RCAN2: variants seen among roughly 807,000 people sequenced by gnomAD.
RCAN2 encodes the protein calcipressin-2.
A neutral mutation model predicts 23.6 loss-of-function variants in RCAN2; 9 were observed. That is an observed-to-expected ratio of 0.38 (90% confidence interval 0.23 to 0.67). The LOEUF (loss-of-function observed/expected upper bound fraction) is 0.67, where lower values mean the gene tolerates loss of function less well. RCAN2 is among the 30% of genes least tolerant of loss of function. The pLI, the probability that RCAN2 is intolerant of heterozygous loss-of-function variation, is 0.51. For synonymous variants in RCAN2, 109 were observed against 115.7 expected (o/e 0.94, Z 0.37); for missense variants, 273 against 302.3 (o/e 0.90, Z 0.72).
chr6:46,411,042 TC>T (rs1375553193), intron 2 of RCAN2, among the ~76,000 whole-genome samples: 1 of 152,150 alleles, frequency 6.6e-6, no homozygotes, highest in East Asian at 1.9e-4. Context: ...CTCACTTATT[TC>T]AAATATCAAA....
chr6:46,439,658 C>T (rs2150421659), intron 2 of RCAN2, among the ~76,000 whole-genome samples: 1 of 152,276 alleles, frequency 6.6e-6, no homozygotes, highest in South Asian at 2.1e-4. Flanking sequence ...GAAAGACAAC[C>T]CCACTTGAGC....
chr6:46,420,935 T>G (rs1418455151), intron 2 of RCAN2, among the ~76,000 whole-genome samples: 1 of 152,210 alleles, frequency 6.6e-6, no homozygotes, highest in African/African-American at 2.4e-5. Flanking sequence ...CATTTATGAA[T>G]CAGCACTGTG....
chr6:46,330,567 T>C (rs1012347323), intron 2 of RCAN2, among the ~76,000 whole-genome samples: 15 of 152,122 alleles, frequency 9.9e-5, no homozygotes, highest in Admixed American at 5.2e-4. Flanking sequence ...CCTGCCAGGG[T>C]TCAAATTTCT....
At chr6:46,323,674 A>G (rs772342925) in intron 2 of RCAN2, among the ~76,000 whole-genome samples, 12 of 152,176 alleles carry the variant, frequency 7.9e-5, no homozygotes, top group Non-Finnish European at 1.5e-4. Flanking sequence ...TCATTTTTCC[A>G]TAAAACCACC....
intron 2 of RCAN2, among the ~76,000 whole-genome samples, chr6:46,403,560 G>A (rs1299032611): frequency 5.3e-5 from 7 of 131,604 alleles, no homozygotes; most frequent in Admixed American, 2.4e-4. Flanking sequence ...CAACAAGAGC[G>A]AAACTCCGTA....
intron 2 of RCAN2, among the ~76,000 whole-genome samples, chr6:46,292,297 T>G (rs935935399): frequency 3.9e-5 from 6 of 152,192 alleles, no homozygotes; most frequent in Non-Finnish European, 5.9e-5. Context: ...AGGCAAGCAA[T>G]TATTATTTCA....
intron 2 of RCAN2, among the ~76,000 whole-genome samples, chr6:46,442,839 A>T (rs946337745): frequency 6.6e-6 from 1 of 152,150 alleles, no homozygotes; most frequent in Non-Finnish European, 1.5e-5. Context: ...GGGGTCACTC[A>T]GTACTGTGGA....
chr6:46,318,579 C>T (rs77931398), intron 2 of RCAN2, among the ~76,000 whole-genome samples: 9,306 of 152,148 alleles, frequency 0.061, 937 homozygotes, highest in African/African-American at 0.21. Context: ...CTATTCAACT[C>T]ACTTGCCAAG....
At chr6:46,309,491 G>A (rs1763184789) in intron 2 of RCAN2, among the ~76,000 whole-genome samples, 1 of 152,134 alleles carries the variant, frequency 6.6e-6, no homozygotes, top group Non-Finnish European at 1.5e-5. Context: ...GACTCCAGAG[G>A]CACCATGATC....
chr6:46,262,030 C>T (rs1443175858), intron 2 of RCAN2, among the ~76,000 whole-genome samples: 2 of 152,158 alleles, frequency 1.3e-5, no homozygotes, highest in African/African-American at 2.4e-5. Context: ...TTCCTTTCTC[C>T]TCTTCTCCCA....
chr6:46,383,104 G>A (rs1203570553), intron 2 of RCAN2, among the ~76,000 whole-genome samples: 1 of 151,906 alleles, frequency 6.6e-6, no homozygotes, highest in Non-Finnish European at 1.5e-5. Flanking sequence ...TAATAAAAGT[G>A]ATAAGAGTAG....
chr6:46,408,546 C>T (rs953017975), intron 2 of RCAN2, among the ~76,000 whole-genome samples: 7 of 152,136 alleles, frequency 4.6e-5, no homozygotes, highest in African/African-American at 1.7e-4. Flanking sequence ...AAGACAGATG[C>T]TAGGCACTGC....
chr6:46,227,500 T>A (rs1379126538), intron 4 of RCAN2, among the ~76,000 whole-genome samples: 1 of 151,668 alleles, frequency 6.6e-6, no homozygotes, highest in African/African-American at 2.4e-5. Context: ...AACTTCTTTC[T>A]GTTTAAGTCT....
intron 2 of RCAN2, among the ~76,000 whole-genome samples, chr6:46,405,240 C>T (rs1766364394): frequency 6.6e-6 from 1 of 152,018 alleles, no homozygotes. Flanking sequence ...AGATCTTCAC[C>T]GTGAGTGTTA....
At chr6:46,241,395 AG>A (rs1323836716) in intron 4 of RCAN2, among the ~76,000 whole-genome samples, 1 of 152,204 alleles carries the variant, frequency 6.6e-6, no homozygotes, top group Non-Finnish European at 1.5e-5. Flanking sequence ...AGGGACTAAT[AG>A]AAACACACAA....
At chr6:46,481,392 T>C (rs1768856779) in intron 1 of RCAN2, among the ~76,000 whole-genome samples, 1 of 152,186 alleles carries the variant, frequency 6.6e-6, no homozygotes, top group African/African-American at 2.4e-5. Context: ...GGCTCAGGAA[T>C]TGAAGAAATA....
chr6:46,358,831 A>G (rs956892877), intron 2 of RCAN2, among the ~76,000 whole-genome samples: 18 of 152,178 alleles, frequency 1.2e-4, no homozygotes, highest in African/African-American at 4.3e-4. Flanking sequence ...ACCCTGGGCC[A>G]ATTAAATTCT....
At chr6:46,465,852 G>C (rs2150438149) in intron 1 of RCAN2, among the ~76,000 whole-genome samples, 1 of 152,332 alleles carries the variant, frequency 6.6e-6, no homozygotes, top group Admixed American at 6.5e-5. Flanking sequence ...TAAATGGGTA[G>C]TAGTCTAGAA....
rs1486710232 is a variant in RCAN2, at chr6:46,220,809, A to G, written c.*2332T>C. The G allele has an allele frequency of 6.6e-6, 1 of 152,652 alleles. No individual in the cohort carries two copies. Among genetic ancestry groups the G allele is most frequent in the African/African-American group, 2.4e-5 (1 of 41,456 alleles). The allele number at this position is 152,652 out of a possible 1,614,324, so 9.5% of individuals were successfully genotyped here. A position where few individuals can be genotyped will look rare whatever the true frequency, so the allele number is the denominator to read the frequency against. ...TGCACAAATGATTCAGTTGGTGGAAATCTTCCCCTTCCCCTTCATTGTTAA... is the reference window on the plus strand; with the variant it reads ...TGCACAAATGATTCAGTTGGTGGAAGTCTTCCCCTTCCCCTTCATTGTTAA... On this transcript the variant is annotated 3_prime_UTR_variant, in exon 5 of 5. Transcript: ENST00000371374.
Sources: gnomAD v4.1 joint callset for allele counts (sites outside exome capture counted in the v4.1 genomes callset) on GRCh38, gnomAD v4.1.1 for gene constraint, MANE v1.5 for transcripts, NCBI Gene and HGNC (gene_info 2026-07-23, HGNC 2026-07-21) for gene names.